Variants in PANK4 observed in about 807,000 individuals in gnomAD.
PANK4 encodes pantothenate kinase 4 (inactive), also known as 4'-phosphopantetheine phosphatase.
In PANK4, 40 loss-of-function variants were observed where a neutral mutation model predicts 87.9. That is an observed-to-expected ratio of 0.46 (90% CI 0.35 to 0.59). PANK4 has a LOEUF of 0.59. Ranked by LOEUF, PANK4 falls within the 20% of genes least tolerant of loss-of-function variation. The pLI is 0.00. For missense variants in PANK4, 926 were observed against 1,072.3 expected, an observed-to-expected ratio of 0.86 and a Z score of 1.90; for synonymous variants, 524 against 467.4, an observed-to-expected ratio of 1.12 and a Z score of -1.56.
At chr1:2,517,430 G>A (rs766571841) in intron 9 of PANK4, among the ~76,000 whole-genome samples, 1 of 152,240 alleles carries the variant, frequency 6.6e-6, no homozygotes, top group Non-Finnish European at 1.5e-5. Context: ...TGAGGGGTCC[G>A]ACTAGCTTTG....
intron 8 of PANK4, 86 bp downstream of exon 8, chr1:2,518,430 C>A: frequency 8.1e-7 from 1 of 1,236,110 alleles, no homozygotes; most frequent in Non-Finnish European, 1.2e-6. Flanking sequence ...ACCCCACCTC[C>A]ACCCTGGGCC....
chr1:2,517,106 G>A (rs1643794526), intron 9 of PANK4, among the ~76,000 whole-genome samples: 1 of 152,218 alleles, frequency 6.6e-6, no homozygotes, highest in Admixed American at 6.5e-5. Context: ...CAGAAACTGA[G>A]GCTGGAAGAC....
intron 2 of PANK4, 74 bp downstream of exon 2, chr1:2,521,644 T>C (rs1032688793): frequency 3.4e-6 from 4 of 1,176,632 alleles, no homozygotes; most frequent in African/African-American, 3.0e-5. Context: ...GAGGGATGAC[T>C]GCGAGACAAG....
Position 2,520,776 on chromosome 1 carries a change from G to T in PANK4, c.553C>A (p.His185Asn), listed in dbSNP as rs1643868362. Residue 185 changes from histidine to asparagine, a missense_variant, in exon 4 of 19, where the codon CAC becomes AAC. Coordinates refer to ENST00000378466, the MANE Select transcript of PANK4 (RefSeq NM_018216.4). This position sits in a 1 kb window ranked among gnomAD's most constrained non-coding sequence, Gnocchi z 6.2. ...TTGACAAGAAGATAGGGGAAAATGT[G>T]GGGGTGGTTGGTCTGGAACCGGAAC... is the stretch of plus-strand genomic sequence containing the variant. ...PEFRFQTNHP[H>N]IFPYLLVNIG... is the part of the protein sequence containing the mutation. The T allele has an allele frequency of 1.2e-6, 2 of 1,613,412 alleles. No individual in the cohort carries two copies. The highest frequency in any genetic ancestry group is 2.7e-5 in the African/African-American group (2 of 74,908).
intron 15 of PANK4, 130 bp downstream of exon 15, chr1:2,511,208 C>G (rs922698210): frequency 2.1e-5 from 15 of 697,794 alleles, no homozygotes; most frequent in Non-Finnish European, 3.6e-5. Context: ...ACCCTTGGCT[C>G]GCAGGATGGT....
At chr1:2,514,736 C>T (rs1046121246) in intron 10 of PANK4, among the ~76,000 whole-genome samples, 1 of 151,748 alleles carries the variant, frequency 6.6e-6, no homozygotes, top group Non-Finnish European at 1.5e-5. Flanking sequence ...GCTGCCTGGG[C>T]TGTGGTCAGG....
At position 2,520,450 on chromosome 1, in the gene PANK4, G is replaced by T; in HGVS notation, c.607-36C>A. On this transcript the variant is annotated intron_variant, in intron 4 of 18. Transcript: ENST00000378466. This position sits in a 1 kb window ranked among gnomAD's most constrained non-coding sequence, Gnocchi z 6.2. ...GCCAGGGCAGGTGTGCCCTCAGTGG[G>T]CCCTCAGCCACACAGGCTCCCCCGC... 1 of 1,571,228 alleles carries T rather than the reference G, an allele frequency of 6.4e-7. No homozygotes were observed. The highest frequency in any genetic ancestry group is 8.7e-7 in the Non-Finnish European group (1 of 1,143,786).
chr1:2,520,731 T>C lies in PANK4; in HGVS notation c.598A>G (p.Ile200Val), dbSNP rs1443094745. 2.5e-6 allele frequency: 4 copies of C among 1,612,436 alleles called. No homozygotes were observed. Among genetic ancestry groups the C allele is most frequent in the African/African-American group, 1.3e-5 (1 of 74,770 alleles). ...ATGAAGCCGGGTCTTACCTTCACGA[T>C]GGAGACTCCAGAGCCGATATTGACA... ...LLVNIGSGVS[I>V]VKVETEDRFE... The change falls in exon 4 of 19, where the codon ATC becomes GTC. Residue 200 changes from isoleucine (I) to valine (V), a missense_variant. By Grantham distance (29) the Ile-to-Val change is conservative. Coordinates refer to ENST00000378466, the MANE Select transcript of PANK4 (RefSeq NM_018216.4). This position sits in a 1 kb window ranked among gnomAD's most constrained non-coding sequence, Gnocchi z 6.2.
At chr1:2,511,283 C>T (rs893684409) in intron 15 of PANK4, 55 bp downstream of exon 15, 3 of 1,303,980 alleles carry the variant, frequency 2.3e-6, no homozygotes, top group East Asian at 2.3e-5. Flanking sequence ...CAGTGACCAC[C>T]CCCCCGGGCC....
At chr1:2,511,443 G>A in intron 14 of PANK4, 56 bp from the exon 15 acceptor site, 2 of 1,348,908 alleles carry the variant, frequency 1.5e-6, no homozygotes, top group South Asian at 1.2e-5. Context: ...AGGGGTCAGG[G>A]AGACGCGTCT....
chr1:2,508,922 C>G lies in PANK4; in HGVS notation c.2247G>C (p.Lys749Asn), dbSNP rs1213111736. 1 of 1,610,812 alleles carries G rather than the reference C, an allele frequency of 6.2e-7. No individual in the cohort carries two copies. Among genetic ancestry groups the G allele is most frequent in the Admixed American group, 1.7e-5 (1 of 59,830 alleles). The change falls in exon 19 of 19, where the codon AAG becomes AAC. Residue 749 changes from lysine (K) to asparagine (N), a missense_variant. Coordinates refer to ENST00000378466, the MANE Select transcript of PANK4 (RefSeq NM_018216.4). This position sits in a 1 kb window ranked among gnomAD's most constrained non-coding sequence, Gnocchi z 5.1. The part of the protein sequence containing the change: ...RCESLKLAVI[K>N]NAWLAERLGG... ...CCAGCCGCTCGGCCAGCCACGCGTTCTTGATGACGGCCAGCTTGAGGCTCT... is the reference window on the plus strand; with the variant it reads ...CCAGCCGCTCGGCCAGCCACGCGTTGTTGATGACGGCCAGCTTGAGGCTCT...
rs372162994 is a variant in PANK4 at position 2,520,707 on chromosome 1, T to C, written c.606+16A>G. ...GCTAAACCATCCACTCATTCATTCA[T>C]GAAGCCGGGTCTTACCTTCACGATG... On this transcript the variant is annotated intron_variant, in intron 4 of 18. Coordinates refer to ENST00000378466, the MANE Select transcript of PANK4 (RefSeq NM_018216.4). The surrounding 1 kb of genome is among the most constrained non-coding windows in gnomAD (Gnocchi z 6.2). The C allele has an allele frequency of 7.9e-5, 127 of 1,607,658 alleles. No individual in the cohort carries two copies. Among genetic ancestry groups the C allele is most frequent in the Non-Finnish European group, 1.0e-4 (120 of 1,176,174 alleles).
rs757218159 is a variant in PANK4 at position 2,515,434 on chromosome 1, G to A, written c.1374+128C>T. 24 of 1,050,220 alleles carry A rather than the reference G, an allele frequency of 2.3e-5. No individual in the cohort carries two copies. Among genetic ancestry groups the A allele is most frequent in the African/African-American group, 6.3e-5 (4 of 63,908 alleles). 65.1% of individuals were successfully genotyped at this position (1,050,220 alleles called of 1,614,324 possible). A position where few individuals can be genotyped will look rare whatever the true frequency, so the allele number is the denominator to read the frequency against. On this transcript the variant is annotated intron_variant, in intron 10 of 18. Transcript: ENST00000378466. The surrounding 1 kb of genome is among the most constrained non-coding windows in gnomAD (Gnocchi z 5.0). ...ACCAAAATCGCCCCCTCACTCAGAC[G>A]CAGATCAAGGGGTTTCTGGACAACA...
chr1:2,516,640 T>A (rs1301994254), intron 9 of PANK4, among the ~76,000 whole-genome samples: 1 of 152,074 alleles, frequency 6.6e-6, no homozygotes, highest in African/African-American at 2.4e-5. Flanking sequence ...AGAAGCAGCC[T>A]CTGGGTGGGC....
intron 15 of PANK4, 42 bp downstream of exon 15, chr1:2,511,296 G>A (rs751540429): frequency 2.0e-5 from 29 of 1,479,670 alleles, no homozygotes; most frequent in East Asian, 1.1e-4. Flanking sequence ...CCCGGGCCCC[G>A]CTGTGTCCCC....
At chr1:2,514,700 C>A (rs1643735018) in intron 10 of PANK4, among the ~76,000 whole-genome samples, 1 of 52,764 alleles carries the variant, frequency 1.9e-5, no homozygotes, top group Non-Finnish European at 3.4e-5. Flanking sequence ...TCAGGGCCTG[C>A]TGTGGGGGAC....
At chr1:2,521,947 G>C in intron 1 of PANK4, 147 bp from the exon 2 acceptor site, 3 of 659,384 alleles carry the variant, frequency 4.5e-6, no homozygotes, top group Middle Eastern at 2.5e-4. Context: ...AAACCCTGTG[G>C]GCACAAAAGA....
intron 1 of PANK4, among the ~76,000 whole-genome samples, chr1:2,523,723 A>G (rs1198382007): frequency 6.6e-6 from 1 of 152,176 alleles, no homozygotes; most frequent in Non-Finnish European, 1.5e-5. Context: ...CTGAGGCGCG[A>G]GGGGCACGCA....
intron 9 of PANK4, among the ~76,000 whole-genome samples, chr1:2,516,585 G>T (rs1056892482): frequency 2.0e-5 from 3 of 152,158 alleles, no homozygotes; most frequent in Non-Finnish European, 2.9e-5. Context: ...CTGGCCCTCT[G>T]CCCTTCTCCA....
Sources: allele counts gnomAD v4.1 joint callset (sites outside exome capture counted in the v4.1 genomes callset), GRCh38; gene constraint gnomAD v4.1.1; non-coding constraint Gnocchi (gnomAD v3.1); transcripts MANE v1.5; gene names NCBI Gene and HGNC (gene_info 2026-07-23, HGNC 2026-07-21).